EBF1: variants seen among roughly 807,000 people sequenced by gnomAD.
EBF1 encodes transcription factor COE1.
A neutral mutation model predicts 68.4 loss-of-function variants in EBF1; 10 were observed. The observed-to-expected ratio is 0.15, with a 90% CI of 0.09 to 0.25. The LOEUF (loss-of-function observed/expected upper bound fraction) is 0.25. Ranked by LOEUF, EBF1 falls within the 10% of genes least tolerant of loss-of-function variation. EBF1 has a pLI of 1.00. For missense variants in EBF1, 509 were observed against 794.4 expected (o/e 0.64, Z 4.32); for synonymous variants, 298 against 299.8 (o/e 0.99, Z 0.06).
At chr5:159,046,778 G>A (rs894984114) in intron 6 of EBF1, among the ~76,000 whole-genome samples, 1 of 152,202 alleles carries the variant, frequency 6.6e-6, no homozygotes, top group Admixed American at 6.5e-5. Flanking sequence ...GATCAACAGT[G>A]TTCTGAGTAA....
At chr5:158,891,428 C>A (rs1392429180) in intron 6 of EBF1, among the ~76,000 whole-genome samples, 1 of 152,056 alleles carries the variant, frequency 6.6e-6, no homozygotes, top group Non-Finnish European at 1.5e-5. Context: ...CCCCTAATGC[C>A]CACTTCCCTG....
chr5:158,946,528 C>T (rs1814757273), intron 6 of EBF1, among the ~76,000 whole-genome samples: 1 of 152,180 alleles, frequency 6.6e-6, no homozygotes, highest in African/African-American at 2.4e-5. Context: ...GCAGAACAGC[C>T]AAGACTGCTG....
intron 4 of EBF1, among the ~76,000 whole-genome samples, chr5:159,089,386 T>C (rs1206801283): frequency 1.3e-5 from 2 of 152,106 alleles, no homozygotes; most frequent in Admixed American, 1.3e-4. Flanking sequence ...CCTGCCTGAG[T>C]TGCCACTGTT....
rs1249467310 is a variant in EBF1, at chr5:159,095,596, G to T, written c.411+24C>A. 3 of 1,613,334 alleles carry T rather than the reference G, an allele frequency of 1.9e-6. No homozygotes were observed. In the South Asian group the frequency reaches 3.3e-5, roughly 18 times the overall value. On this transcript the variant is annotated intron_variant, in intron 4 of 15. Coordinates refer to ENST00000313708, the MANE Select transcript of EBF1 (RefSeq NM_024007.5). ...TGAATTTTGTGACATAGAGCCCCCC[G>T]TGGCCCAAAATCAAGAAACTTACTT...
At chr5:158,795,598 CTG>C (rs1779474464) in intron 9 of EBF1, among the ~76,000 whole-genome samples, 1 of 152,158 alleles carries the variant, frequency 6.6e-6, no homozygotes, top group Non-Finnish European at 1.5e-5. Flanking sequence ...GGCTAAGAAA[CTG>C]GGGCTCAGAA....
chr5:159,099,285 C>T (rs1195671309), intron 1 of EBF1, 60 bp downstream of exon 1: 5 of 1,348,054 alleles, frequency 3.7e-6, no homozygotes, highest in African/African-American at 1.5e-5. Context: ...GCTGCCGCCT[C>T]CGCCTCCCGG....
In EBF1 at chr5:159,024,618, C is replaced by T. The variant is rs79564955; in HGVS notation, c.554+48778G>A. On this transcript the variant is annotated intron_variant, in intron 6 of 15. Coordinates refer to ENST00000313708, the MANE Select transcript of EBF1 (RefSeq NM_024007.5). ...CAAGGATAGTCAAAGTAATATGCCA[C>T]AGGCTGGGAGTCAAAATAGGTTTGA... Among the ~76,000 whole-genome samples, 590 of 152,330 alleles carry T rather than the reference C, an allele frequency of 3.9e-3. 3 individuals carry two copies. The highest frequency in any genetic ancestry group is 0.013 in the African/African-American group (549 of 41,578).
Position 159,095,617 on chromosome 5 carries a change from T to TA in EBF1, c.411+2dup. 1 of 1,613,870 alleles carries TA rather than the reference T, an allele frequency of 6.2e-7. No individual in the cohort carries two copies. Among genetic ancestry groups the TA allele is most frequent in the Non-Finnish European group, 8.5e-7 (1 of 1,179,842 alleles). ...CCCCGTGGCCCAAAATCAAGAAACT[T>TA]ACTTGTTTTGTCATGGAGTCAATGA... On this transcript the variant is annotated splice_region_variant and intron_variant, in intron 4 of 15. Transcript: ENST00000313708.
At chr5:158,875,743 T>C (rs959893491) in intron 6 of EBF1, among the ~76,000 whole-genome samples, 2 of 152,240 alleles carry the variant, frequency 1.3e-5, no homozygotes, top group Non-Finnish European at 2.9e-5. Context: ...GAGTTAATAT[T>C]CATTTGAATT....
At chr5:158,986,033 A>T (rs993341573) in intron 6 of EBF1, 18 of 152,474 alleles carry the variant, frequency 1.2e-4, no homozygotes, top group African/African-American at 4.1e-4. Context: ...ACATCAGCAA[A>T]GCCATTCTGA....
intron 6 of EBF1, among the ~76,000 whole-genome samples, chr5:158,909,087 G>C (rs1241908357): frequency 3.3e-5 from 5 of 151,136 alleles, no homozygotes; most frequent in Non-Finnish European, 7.4e-5. Context: ...TAATATAACG[G>C]CACATGGGAA....
chr5:159,058,739 A>G (rs1775243380), intron 6 of EBF1, among the ~76,000 whole-genome samples: 2 of 152,200 alleles, frequency 1.3e-5, no homozygotes. Context: ...TTTCTTAGTA[A>G]TATTCAGCTG....
At chr5:158,760,369 C>G (rs76340014) in intron 10 of EBF1, among the ~76,000 whole-genome samples, 1 of 152,240 alleles carries the variant, frequency 6.6e-6, no homozygotes, top group East Asian at 1.9e-4. Context: ...GACAGGAATT[C>G]CTTCCAAACA....
chr5:158,832,533 G>C (rs1211090090), intron 7 of EBF1, among the ~76,000 whole-genome samples: 1 of 152,176 alleles, frequency 6.6e-6, no homozygotes, highest in Non-Finnish European at 1.5e-5. Context: ...GCATTCTGTT[G>C]GTAGAGAATT....
chr5:158,791,272 C>A (rs1025049588), intron 9 of EBF1, among the ~76,000 whole-genome samples: 1 of 148,864 alleles, frequency 6.7e-6, no homozygotes, highest in Admixed American at 6.7e-5. Flanking sequence ...TGGGCTGAGA[C>A]CATGCCACTG....
intron 2 of EBF1, 24 bp downstream of exon 2, chr5:159,096,950 G>C: frequency 6.2e-7 from 1 of 1,611,280 alleles, no homozygotes; most frequent in South Asian, 1.1e-5. Flanking sequence ...GGGGACGAGG[G>C]GCGACAGCGC....
intron 6 of EBF1, among the ~76,000 whole-genome samples, chr5:158,866,609 C>G (rs1159159351): frequency 6.6e-6 from 1 of 151,820 alleles, no homozygotes; most frequent in African/African-American, 2.4e-5. Flanking sequence ...ATCATCCATA[C>G]CGGGCCCTGT....
chr5:158,748,883 A>G (rs1768165984), intron 10 of EBF1, among the ~76,000 whole-genome samples: 1 of 152,152 alleles, frequency 6.6e-6, no homozygotes, highest in Non-Finnish European at 1.5e-5. Context: ...ATGTAAAAGG[A>G]TGGTATAATG....
chr5:159,054,660 A>G (rs1774428023), intron 6 of EBF1, among the ~76,000 whole-genome samples: 1 of 152,246 alleles, frequency 6.6e-6, no homozygotes, highest in Non-Finnish European at 1.5e-5. Context: ...ACACCCTAAA[A>G]GTACAGAAAC....
Sources: gnomAD v4.1 joint callset for allele counts (sites outside exome capture counted in the v4.1 genomes callset) on GRCh38, gnomAD v4.1.1 for gene constraint, MANE v1.5 for transcripts, NCBI Gene and HGNC (gene_info 2026-07-23, HGNC 2026-07-21) for gene names.